Variants in GPC6 observed in about 807,000 individuals in gnomAD.
The protein encoded by GPC6 is glypican 6.
GPC6 carries 14 observed loss-of-function variants against 55.2 expected under a neutral mutation model. The observed-to-expected ratio is 0.25, with a 90% CI of 0.17 to 0.40. GPC6 has a LOEUF of 0.40. Among genes scored for constraint, GPC6 ranks in the 10% least tolerant of loss-of-function variants. The pLI is 1.00. For missense variants in GPC6, 641 were observed against 708.5 expected (o/e 0.90, Z 1.08); for synonymous variants, 278 against 259.6 (o/e 1.07, Z -0.68).
intron 2 of GPC6, among the ~76,000 whole-genome samples, chr13:93,572,668 T>C (rs140114298): frequency 1.1e-4 from 16 of 152,288 alleles, no homozygotes; most frequent in African/African-American, 3.8e-4. Context: ...TTCTCAGAGA[T>C]AGTATACCTA....
intron 4 of GPC6, among the ~76,000 whole-genome samples, chr13:94,073,333 G>T (rs1280877544): frequency 6.6e-6 from 1 of 152,122 alleles, no homozygotes. Context: ...TGTAAAAAAT[G>T]GTTCCTTTGA....
intron 6 of GPC6, among the ~76,000 whole-genome samples, chr13:94,377,439 GA>G (rs1461110494): frequency 6.9e-6 from 1 of 144,902 alleles, no homozygotes; most frequent in African/African-American, 2.5e-5. Flanking sequence ...AAAAACACAT[GA>G]AAAAATGCTC....
intron 2 of GPC6, among the ~76,000 whole-genome samples, chr13:93,671,842 A>T (rs966890299): frequency 1.3e-5 from 2 of 151,980 alleles, no homozygotes; most frequent in Non-Finnish European, 2.9e-5. Context: ...CCATGGACCT[A>T]TGGGAGGGAG....
intron 4 of GPC6, among the ~76,000 whole-genome samples, chr13:94,203,346 CTT>C (rs1491529297): frequency 2.0e-5 from 3 of 151,452 alleles, no homozygotes; most frequent in Admixed American, 1.3e-4. Context: ...CAAAGAAAAA[CTT>C]ATATATATAA....
intron 4 of GPC6, among the ~76,000 whole-genome samples, chr13:94,064,127 T>C (rs754947305): frequency 4.6e-5 from 7 of 152,306 alleles, no homozygotes; most frequent in Non-Finnish European, 1.0e-4. Context: ...TTACCTCAGC[T>C]GCATAACTGA....
At chr13:94,006,754 C>T (rs1236680832) in intron 3 of GPC6, among the ~76,000 whole-genome samples, 1 of 152,076 alleles carries the variant, frequency 6.6e-6, no homozygotes, top group African/African-American at 2.4e-5. Context: ...TTCTCATTTC[C>T]GTTTCCAGAG....
intron 6 of GPC6, among the ~76,000 whole-genome samples, chr13:94,318,265 T>C (rs1164485889): frequency 6.6e-6 from 1 of 152,154 alleles, no homozygotes; most frequent in Non-Finnish European, 1.5e-5. Context: ...CCTATTTTTC[T>C]TTGTTTTGCA....
chr13:93,671,604 T>A (rs1881359709), intron 2 of GPC6, among the ~76,000 whole-genome samples: 1 of 135,964 alleles, frequency 7.4e-6, no homozygotes, highest in African/African-American at 2.5e-5. Flanking sequence ...TTTTAAGGGT[T>A]TTTTAGGGGT....
intron 4 of GPC6, among the ~76,000 whole-genome samples, chr13:94,072,699 G>C (rs1046636753): frequency 6.6e-6 from 1 of 152,182 alleles, no homozygotes; most frequent in Non-Finnish European, 1.5e-5. Flanking sequence ...CACTAGAAAA[G>C]CAACAATGAA....
chr13:93,675,305 G>A (rs1030198484), intron 2 of GPC6, among the ~76,000 whole-genome samples: 2 of 151,570 alleles, frequency 1.3e-5, no homozygotes, highest in Admixed American at 6.6e-5. Context: ...TTAAAGAGGC[G>A]AATGAAGAGT....
At chr13:93,407,118 T>C (rs1255229330) in intron 1 of GPC6, among the ~76,000 whole-genome samples, 3 of 152,176 alleles carry the variant, frequency 2.0e-5, no homozygotes, top group Non-Finnish European at 4.4e-5. Context: ...ATGTGATTAA[T>C]AGTTTGGCTG....
At chr13:94,359,569 G>T (rs763468911) in intron 6 of GPC6, among the ~76,000 whole-genome samples, 1 of 152,070 alleles carries the variant, frequency 6.6e-6, no homozygotes, top group Admixed American at 6.5e-5. Flanking sequence ...CATAAGGCTC[G>T]TCAAAGAAGT....
At chr13:93,933,281 C>T (rs751170081) in intron 3 of GPC6, among the ~76,000 whole-genome samples, 4 of 152,058 alleles carry the variant, frequency 2.6e-5, no homozygotes, top group African/African-American at 9.7e-5. Context: ...GTCCTACTGG[C>T]GTCTACTTAG....
intron 4 of GPC6, among the ~76,000 whole-genome samples, chr13:94,050,982 T>C (rs1481553030): frequency 1.3e-5 from 2 of 152,106 alleles, no homozygotes; most frequent in Non-Finnish European, 2.9e-5. Context: ...TGCTAGATAA[T>C]CCACTTTGGG....
Position 93,780,328 on chromosome 13 carries a change from T to C in GPC6, c.320-49826T>C, listed in dbSNP as rs188537030. ...AGAATATTGCCATAGGCTACACATATAGTCAATTATGTCCCACCATATTAG... is the reference window on the plus strand; with the variant it reads ...AGAATATTGCCATAGGCTACACATACAGTCAATTATGTCCCACCATATTAG... On this transcript the variant is annotated intron_variant, in intron 2 of 8. Transcript: ENST00000377047. Among the ~76,000 whole-genome samples the C allele has an allele frequency of 2.6e-5, 4 of 152,098 alleles. No individual in the cohort carries two copies. The East Asian group carries it at 7.7e-4, about 29-fold the overall frequency.
intron 4 of GPC6, among the ~76,000 whole-genome samples, chr13:94,151,137 G>T (rs1288939813): frequency 6.6e-6 from 1 of 151,966 alleles, no homozygotes; most frequent in East Asian, 1.9e-4. Context: ...ATGAAGTGAG[G>T]TAGAGGCAGG....
Position 94,308,300 on chromosome 13 carries a change from G to A in GPC6, c.1152+2177G>A, listed in dbSNP as rs142163364. 3.9e-5 allele frequency among the ~76,000 whole-genome samples: 6 copies of A among 152,222 alleles called. No individual in the cohort carries two copies. In the East Asian group the frequency reaches 5.8e-4, roughly 15 times the overall value. The stretch of plus-strand genomic sequence containing the variant: ...AAACTAAGTAAAGCATCAACACTTC[G>A]AGAATTTTCTCTGGTGTTTAAAATC... On this transcript the variant is annotated intron_variant, in intron 6 of 8. Transcript: ENST00000377047.
intron 4 of GPC6, among the ~76,000 whole-genome samples, chr13:94,102,934 C>T (rs529463216): frequency 4.5e-4 from 69 of 152,170 alleles, no homozygotes; most frequent in Non-Finnish European, 8.5e-4. Context: ...ATGTGCACAA[C>T]GTGCAGGTTT....
At chr13:94,197,667 G>T (rs76880766) in intron 4 of GPC6, among the ~76,000 whole-genome samples, 3,341 of 152,244 alleles carry the variant, frequency 0.022, 113 homozygotes, top group African/African-American at 0.072. Context: ...TCAGATTGAG[G>T]ATTAGAGCTT....
Sources: gnomAD v4.1 joint callset for allele counts (sites outside exome capture counted in the v4.1 genomes callset) on GRCh38, gnomAD v4.1.1 for gene constraint, MANE v1.5 for transcripts, NCBI Gene and HGNC (gene_info 2026-07-23, HGNC 2026-07-21) for gene names.